The following TMEM150B variants were observed in gnomAD, a reference collection of about 807,000 sequenced individuals.
TMEM150B encodes the protein transmembrane protein 150B, also known as modulator of macroautophagy TMEM150B.
In TMEM150B, 33 loss-of-function variants were observed where a neutral mutation model predicts 25.2. That is an observed-to-expected ratio of 1.31 (90% confidence interval 0.99 to 1.75). TMEM150B has a LOEUF of 1.75. Among genes scored for constraint, TMEM150B ranks in the 40% most tolerant of loss-of-function variants. The pLI, the probability that TMEM150B is intolerant of heterozygous loss-of-function variation, is 0.00. For missense variants in TMEM150B, 322 were observed against 306.1 expected (o/e 1.05, Z -0.39); for synonymous variants, 133 against 134.8 (o/e 0.99, Z 0.09).
At chr19:55,311,848 C>T (rs1467971719), downstream of TMEM150B, 3 of 1,563,530 alleles carry the variant, frequency 1.9e-6, no homozygotes, top group African/African-American at 4.1e-5. Context: ...CCCCCATCCC[C>T]TGGTAATGGG....
At chr19:55,324,357 A>T (rs568859992) in intron 1 of TMEM150B, among the ~76,000 whole-genome samples, 10 of 150,220 alleles carry the variant, frequency 6.7e-5, no homozygotes, top group African/African-American at 2.2e-4. Flanking sequence ...ACAAAAAAAA[A>T]TTAGCTGGGT....
Position 55,320,060 on chromosome 19 carries a change from G to A in TMEM150B, c.303C>T (p.Thr101=). ...TCACCTGGAAATTGCCTACCACGGA[G>A]GTGCCCAGGGCACACAGAAGACCCG... is the stretch of plus-strand genomic sequence containing the variant. ...LWTGLLCALG[T]SVVGNFQEKN... Residue 101 remains threonine, a synonymous_variant, in exon 6 of 8, where the codon ACC becomes ACT. Coordinates refer to ENST00000326652, the MANE Select transcript of TMEM150B (RefSeq NM_001282011.2). 6.2e-7 allele frequency: 1 copy of A among 1,614,144 alleles called. No homozygotes were observed.
intron 7 of TMEM150B, among the ~76,000 whole-genome samples, chr19:55,315,044 A>C (rs2088949658): frequency 1.3e-5 from 2 of 152,080 alleles, no homozygotes; most frequent in Admixed American, 1.3e-4. Context: ...GGCTGGGCAC[A>C]GTGGCCCACA....
rs186562671 is a variant in TMEM150B at position 55,317,841 on chromosome 19, T to C, written c.325-875A>G. Among the ~76,000 whole-genome samples the C allele has an allele frequency of 5.4e-3, 819 of 150,964 alleles. 4 individuals carry two copies. Among genetic ancestry groups the C allele is most frequent in the African/African-American group, 0.019 (774 of 41,094 alleles). On this transcript the variant is annotated intron_variant, in intron 6 of 7. Coordinates refer to ENST00000326652, the MANE Select transcript of TMEM150B (RefSeq NM_001282011.2). The stretch of plus-strand genomic sequence containing the variant: ...GGTGGCTCAGGCCTGTAATCCCAGC[T>C]ACTCAGGAGGCTGAGGCTGGAGGAT...
At chr19:55,324,254 G>A (rs988125647) in intron 1 of TMEM150B, among the ~76,000 whole-genome samples, 1 of 151,828 alleles carries the variant, frequency 6.6e-6, no homozygotes, top group Non-Finnish European at 1.5e-5. Flanking sequence ...TGTAGTCCCA[G>A]CACTTTGGGA....
chr19:55,320,566 G>A lies in TMEM150B; in HGVS notation c.120C>T (p.Pro40=), dbSNP rs2089173720. The A allele has an allele frequency of 1.2e-6, 2 of 1,614,032 alleles. No homozygotes were observed. Among genetic ancestry groups the A allele is most frequent in the East Asian group, 4.5e-5 (2 of 44,884 alleles). The part of the protein sequence containing the change: ...NRTVDLSKGF[P]YISICGSFPP... ...CCCTCGGGCAGAATTACCTGATGTA[G>A]GGAAAGCCTTTACTGAGGTCCACAG... Residue 40 remains proline, a synonymous_variant, in exon 4 of 8, where the codon CCC becomes CCT. Transcript: ENST00000326652.
Position 55,322,732 on chromosome 19 carries a change from C to T in TMEM150B, c.-142G>A. On this transcript the variant is annotated 5_prime_UTR_variant, in exon 2 of 8. An upstream open reading frame in the 5' UTR loses its in-frame stop. Transcript: ENST00000326652. ...AAGGGCTGGCATTCGGGGTGGGGCT[C>T]AGGCAGACATCCTGCAGAGGCAAAG... 1 of 985,370 alleles carries T rather than the reference C, an allele frequency of 1.0e-6. No homozygotes were observed. The highest frequency in any genetic ancestry group is 1.2e-6 in the Non-Finnish European group (1 of 830,004). The allele number at this position is 985,370 out of a possible 1,614,324, so 61.0% of individuals were successfully genotyped here. A position where few individuals can be genotyped will look rare whatever the true frequency, so the allele number is the denominator to read the frequency against.
rs560208427 is a variant in TMEM150B, at chr19:55,324,194, A to G, written c.-154+1078T>C. Among the ~76,000 whole-genome samples, 5 of 151,372 alleles carry G rather than the reference A, an allele frequency of 3.3e-5. No individual in the cohort carries two copies. In the South Asian group the frequency reaches 1.0e-3, roughly 32 times the overall value. ...TTAGTGTTTCATTCCTTTATTTTTT[A>G]TTTTTATTTTTTAAACAGCCAGGGT... is the stretch of plus-strand genomic sequence containing the variant. On this transcript the variant is annotated intron_variant, in intron 1 of 7. Coordinates refer to ENST00000326652, the MANE Select transcript of TMEM150B (RefSeq NM_001282011.2).
chr19:55,316,525 A>G (rs941239882), intron 7 of TMEM150B, among the ~76,000 whole-genome samples: 1 of 151,902 alleles, frequency 6.6e-6, no homozygotes, highest in Non-Finnish European at 1.5e-5. Context: ...CGTTATCCAC[A>G]TTTGAGGGAT....
At chr19:55,317,625 C>G (rs2089048794) in intron 6 of TMEM150B, among the ~76,000 whole-genome samples, 1 of 151,844 alleles carries the variant, frequency 6.6e-6, no homozygotes, top group South Asian at 2.1e-4. Flanking sequence ...ACTAAAAATA[C>G]AAAAAATTAG....
chr19:55,319,736 C>G, intron 6 of TMEM150B: 2 of 1,168,802 alleles, frequency 1.7e-6, no homozygotes, highest in African/African-American at 3.2e-5. Context: ...AGGCATGAGC[C>G]ACTGCGCCTG....
chr19:55,321,558 C>T (rs1464751968), intron 2 of TMEM150B, among the ~76,000 whole-genome samples: 1 of 152,072 alleles, frequency 6.6e-6, no homozygotes, highest in Non-Finnish European at 1.5e-5. Flanking sequence ...ACCTCCAAAC[C>T]GCCATGTCCT....
chr19:55,317,794 A>AC (rs1015279653), intron 6 of TMEM150B, among the ~76,000 whole-genome samples: 3 of 148,818 alleles, frequency 2.0e-5, no homozygotes, highest in African/African-American at 7.5e-5. Flanking sequence ...GAAAAAAAAA[A>AC]ATACAAATAT....
intron 5 of TMEM150B, 89 bp from the exon 6 acceptor site, chr19:55,320,255 G>C: frequency 6.5e-7 from 1 of 1,535,344 alleles, no homozygotes; most frequent in Non-Finnish European, 8.8e-7. Flanking sequence ...CAAGGTGAGG[G>C]AGAAAGTGGC....
intron 2 of TMEM150B, among the ~76,000 whole-genome samples, chr19:55,322,247 A>G (rs1443837098): frequency 6.6e-6 from 1 of 151,716 alleles, no homozygotes; most frequent in African/African-American, 2.4e-5. Context: ...TGCCTCTGAC[A>G]CTCACGAGGT....
At chr19:55,319,290 T>C (rs1453501304) in intron 6 of TMEM150B, among the ~76,000 whole-genome samples, 1 of 151,878 alleles carries the variant, frequency 6.6e-6, no homozygotes, top group Non-Finnish European at 1.5e-5. Context: ...TTTTTGTATT[T>C]TTAGTAGAGA....
At chr19:55,312,637 C>T (rs2088835890), downstream of TMEM150B, 5 of 457,402 alleles carry the variant, frequency 1.1e-5, no homozygotes, top group Non-Finnish European at 1.5e-5. Context: ...TGCCCAGTTG[C>T]AGGGGCAGGG....
Position 55,322,794 on chromosome 19 carries a change from C to T in TMEM150B, c.-153-51G>A, listed in dbSNP as rs777692846. The T allele has an allele frequency of 2.3e-4, 209 of 905,768 alleles. 1 individual carries two copies. Among genetic ancestry groups the T allele is most frequent in the Middle Eastern group, 2.3e-3 (4 of 1,744 alleles). 56.1% of individuals were successfully genotyped at this position (905,768 alleles called of 1,614,324 possible). A position where few individuals can be genotyped will look rare whatever the true frequency, so the allele number is the denominator to read the frequency against. Reference sequence around the variant, plus strand: ...GGACTGCCTGGGTCCTTTGGTCTGACTGCCACTTCCTAACGGCTCTCTGTC... The same window carrying T: ...GGACTGCCTGGGTCCTTTGGTCTGATTGCCACTTCCTAACGGCTCTCTGTC... On this transcript the variant is annotated intron_variant, in intron 1 of 7. Transcript: ENST00000326652.
At chr19:55,315,588 T>C (rs1416253600) in intron 7 of TMEM150B, among the ~76,000 whole-genome samples, 1 of 152,086 alleles carries the variant, frequency 6.6e-6, no homozygotes, top group East Asian at 1.9e-4. Flanking sequence ...GGTGAAACCC[T>C]GTCCCTACTA....
Sources: allele counts gnomAD v4.1 joint callset (sites outside exome capture counted in the v4.1 genomes callset), GRCh38; gene constraint gnomAD v4.1.1; transcripts MANE v1.5; gene names NCBI Gene and HGNC (gene_info 2026-07-23, HGNC 2026-07-21).